Variants in MAML3 observed in about 807,000 individuals in gnomAD.
The protein encoded by MAML3 is mastermind like transcriptional coactivator 3.
In MAML3, 27 loss-of-function variants were observed where a neutral mutation model predicts 101.9. The ratio of observed to expected loss-of-function variants is 0.27; its 90% CI spans 0.20 to 0.37. MAML3 has a LOEUF of 0.37. Among genes scored for constraint, MAML3 ranks in the 10% least tolerant of loss-of-function variants. The probability of loss-of-function intolerance (pLI) is 1.00; values close to 1 mark genes in which losing one functional copy is unlikely to be tolerated. For missense variants in MAML3, 1,316 were observed against 1,444.9 expected, an observed-to-expected ratio of 0.91 and a Z score of 1.45; for synonymous variants, 501 against 555.9, an observed-to-expected ratio of 0.90 and a Z score of 1.39.
At chr4:140,105,687 A>G (rs1392304145) in intron 1 of MAML3, among the ~76,000 whole-genome samples, 1 of 152,204 alleles carries the variant, frequency 6.6e-6, no homozygotes, top group Non-Finnish European at 1.5e-5. Flanking sequence ...ATAAGTGAGC[A>G]TGTAACTCTG....
rs200939015 is a variant in MAML3, at chr4:139,890,138, C to T, written c.1298G>A (p.Arg433Gln). 9.5e-4 allele frequency: 1,537 copies of T among 1,613,696 alleles called. 6 individuals are homozygous for T. Among genetic ancestry groups the T allele is most frequent in the Non-Finnish European group, 1.2e-3 (1,437 of 1,179,882 alleles). The part of the protein sequence containing the change: ...QAHTPGQAPP[R>Q]PGNGYLLNPA... Reference sequence around the variant, plus strand: ...ATTCAGGAGATAACCATTTCCAGGCCGAGGTGGAGCTTGGCCTGGAGTGTG... The same window carrying T: ...ATTCAGGAGATAACCATTTCCAGGCTGAGGTGGAGCTTGGCCTGGAGTGTG... The change falls in exon 2 of 5, where the codon CGG becomes CAG. Residue 433 changes from arginine to glutamine, a missense_variant. Arg to Gln is a conservative substitution (Grantham distance 43, BLOSUM62 1). Coordinates refer to ENST00000509479, the MANE Select transcript of MAML3 (RefSeq NM_018717.5). This position sits in a 1 kb window ranked among gnomAD's most constrained non-coding sequence, Gnocchi z 4.1.
At chr4:139,960,108 C>T (rs1207708907) in intron 1 of MAML3, among the ~76,000 whole-genome samples, 11 of 152,052 alleles carry the variant, frequency 7.2e-5, no homozygotes, top group Admixed American at 7.2e-4. Context: ...AGAAACCCTA[C>T]ATTGGGGGAG....
chr4:140,138,702 A>G (rs1030534031), intron 1 of MAML3, among the ~76,000 whole-genome samples: 2 of 152,210 alleles, frequency 1.3e-5, no homozygotes, highest in African/African-American at 4.8e-5. Flanking sequence ...GAAGTCCCAC[A>G]GTGGATTAGA....
chr4:140,074,220 AG>A (rs1727725827), intron 1 of MAML3, among the ~76,000 whole-genome samples: 1 of 81,802 alleles, frequency 1.2e-5, no homozygotes, highest in East Asian at 3.6e-4. Flanking sequence ...AAAGAAAGAA[AG>A]AAAGAAAGAA....
At chr4:139,749,750 C>G (rs1729442827) in intron 2 of MAML3, among the ~76,000 whole-genome samples, 4 of 152,314 alleles carry the variant, frequency 2.6e-5, no homozygotes, top group South Asian at 4.1e-4. Flanking sequence ...TGGTACCAAA[C>G]AGGAGCTCTC....
chr4:139,965,031 C>T (rs983850421), intron 1 of MAML3, among the ~76,000 whole-genome samples: 3 of 152,096 alleles, frequency 2.0e-5, no homozygotes, highest in African/African-American at 7.2e-5. Flanking sequence ...CAGCAAGTGA[C>T]CCCAAAGACA....
intron 2 of MAML3, among the ~76,000 whole-genome samples, chr4:139,854,119 G>A (rs969767784): frequency 2.0e-5 from 3 of 151,928 alleles, no homozygotes; most frequent in Admixed American, 6.6e-5. Context: ...CACCGTGCCC[G>A]GCCACATTTT....
chr4:139,913,469 T>TA (rs1345659749), intron 1 of MAML3, among the ~76,000 whole-genome samples: 1 of 152,214 alleles, frequency 6.6e-6, no homozygotes, highest in Non-Finnish European at 1.5e-5. Context: ...GATTTTTGGA[T>TA]AAAAAATCCA....
At position 140,004,653 on chromosome 4, in the gene MAML3, G is replaced by A. The variant is rs994625127; in HGVS notation, c.469-113686C>T. ...AAGATACCCACCGCAGACAAAGAAC[G>A]CCATGAGACTCGCAGGGAGACAATG... On this transcript the variant is annotated intron_variant, in intron 1 of 4. Transcript: ENST00000509479. Among the ~76,000 whole-genome samples, 13 of 152,186 alleles carry A rather than the reference G, an allele frequency of 8.5e-5. No homozygotes were observed. The South Asian group carries it at 2.1e-3, about 24-fold the overall frequency.
At chr4:140,145,325 G>A (rs1729040648) in intron 1 of MAML3, among the ~76,000 whole-genome samples, 1 of 152,162 alleles carries the variant, frequency 6.6e-6, no homozygotes, top group Non-Finnish European at 1.5e-5. Context: ...GGAAAATTCT[G>A]GAAGTTGGTA....
chr4:140,134,602 A>G (rs1485604929), intron 1 of MAML3: 1 of 330,488 alleles, frequency 3.0e-6, no homozygotes, highest in East Asian at 7.7e-5. Context: ...GATTAGAAAA[A>G]CACCACAGAA....
chr4:139,889,369 TG>T lies in MAML3; in HGVS notation c.2066del (p.Pro689HisfsTer51). ...MNQPMAYAAL[P>X]SHGQEQHPVG... ...CTTTCACACTTACCTGACCGTGGGA[TG>T]GAAGTGCAGCGTAAGCCATGGGCTG... On this transcript the variant is annotated frameshift_variant, in exon 2 of 5. Transcript: ENST00000509479. LOFTEE classifies it high-confidence loss of function. The T allele has an allele frequency of 6.2e-7, 1 of 1,614,056 alleles. No individual in the cohort carries two copies. The highest frequency in any genetic ancestry group is 8.5e-7 in the Non-Finnish European group (1 of 1,179,904).
At chr4:139,964,731 TTC>T (rs796962546) in intron 1 of MAML3, among the ~76,000 whole-genome samples, 4 of 152,280 alleles carry the variant, frequency 2.6e-5, no homozygotes, top group African/African-American at 7.2e-5. Context: ...TAATTTTATT[TTC>T]TGTTTTATTG....
chr4:139,859,465 C>A (rs527546852), intron 2 of MAML3, among the ~76,000 whole-genome samples: 1 of 152,030 alleles, frequency 6.6e-6, no homozygotes, highest in Non-Finnish European at 1.5e-5. Context: ...CCTCGACCTC[C>A]CAAAGTGCTG....
In MAML3 at chr4:139,889,907, T is replaced by C. The variant is rs1732429463; in HGVS notation, c.1529A>G (p.Gln510Arg). ...QQQQQQQQQQ[Q>R]HSNQTSNWSP... ...CCAATTTGAAGTCTGATTTGAGTGC[T>C]GTTGCTGCTGCTGCTGCTGCTGCTG... is the stretch of plus-strand genomic sequence containing the variant. The change falls in exon 2 of 5, where the codon CAG becomes CGG. Residue 510 changes from glutamine to arginine, a missense_variant. Gln to Arg is a conservative substitution (Grantham distance 43). Coordinates refer to ENST00000509479, the MANE Select transcript of MAML3 (RefSeq NM_018717.5). 1 of 1,596,584 alleles carries C rather than the reference T, an allele frequency of 6.3e-7. No homozygotes were observed.
chr4:139,887,117 G>A (rs149077073), intron 2 of MAML3, among the ~76,000 whole-genome samples: 11 of 152,276 alleles, frequency 7.2e-5, no homozygotes, highest in East Asian at 5.8e-4. Flanking sequence ...ATTCGTGCTC[G>A]TATTTGTGGA....
At chr4:139,921,259 C>T (rs769650) in intron 1 of MAML3, among the ~76,000 whole-genome samples, 2,588 of 152,284 alleles carry the variant, frequency 0.017, 63 homozygotes, top group African/African-American at 0.059. Context: ...TTAACTTCCA[C>T]GATTTTCCTT....
At chr4:139,852,403 GTTTTTTTTT>G in intron 2 of MAML3, among the ~76,000 whole-genome samples, 1 of 68,326 alleles carries the variant, frequency 1.5e-5, no homozygotes, top group South Asian at 6.1e-4. Context: ...TCAGAAGACT[GTTTTTTTTT>G]TTTTTTTTTT....
At chr4:140,129,953 G>A (rs1452802342) in intron 1 of MAML3, among the ~76,000 whole-genome samples, 7 of 144,830 alleles carry the variant, frequency 4.8e-5, no homozygotes, top group African/African-American at 7.7e-5. Flanking sequence ...TGACCTGAGC[G>A]AAACTCCGTC....
Sources: allele counts gnomAD v4.1 joint callset (sites outside exome capture counted in the v4.1 genomes callset), GRCh38; gene constraint gnomAD v4.1.1; non-coding constraint Gnocchi (gnomAD v3.1); transcripts MANE v1.5; gene names NCBI Gene and HGNC (gene_info 2026-07-23, HGNC 2026-07-21).